The following EHBP1 variants were observed in gnomAD, a reference collection of about 807,000 sequenced individuals.
EHBP1 encodes EH domain-binding protein 1.
In EHBP1, 55 loss-of-function variants were observed where a neutral mutation model predicts 144.0. The observed-to-expected ratio is 0.38, with a 90% confidence interval of 0.31 to 0.48. The LOEUF is 0.48. EHBP1 is among the 20% of genes least tolerant of loss of function. EHBP1 has a pLI of 0.98. For missense variants in EHBP1, 1,200 were observed against 1,364.2 expected (o/e 0.88, Z 1.90); for synonymous variants, 469 against 472.7 (o/e 0.99, Z 0.10).
intron 10 of EHBP1, among the ~76,000 whole-genome samples, chr2:62,921,220 C>T (rs1364895860): frequency 5.3e-5 from 8 of 151,806 alleles, no homozygotes; most frequent in Non-Finnish European, 8.8e-5. Flanking sequence ...CTGAGGCGGG[C>T]GGATCACTTG....
At chr2:62,851,209 T>C (rs1434522042) in intron 7 of EHBP1, among the ~76,000 whole-genome samples, 2 of 152,196 alleles carry the variant, frequency 1.3e-5, no homozygotes, top group South Asian at 4.1e-4. Context: ...TGAAATATGC[T>C]AGATTCCCAT....
At chr2:62,829,468 T>A (rs1228049314) in intron 6 of EHBP1, among the ~76,000 whole-genome samples, 4 of 151,886 alleles carry the variant, frequency 2.6e-5, no homozygotes, top group Non-Finnish European at 5.9e-5. Flanking sequence ...GTTTGGTTTT[T>A]CATTCCTGAG....
intron 7 of EHBP1, among the ~76,000 whole-genome samples, chr2:62,838,292 C>T (rs1008243314): frequency 4.6e-5 from 7 of 152,192 alleles, no homozygotes; most frequent in South Asian, 2.1e-4. Context: ...TTGAAACTAA[C>T]GAGAACAAAG....
In EHBP1 at chr2:62,749,556, G is replaced by A. The variant is rs576468287; in HGVS notation, c.162+2104G>A. ...TCTAGTTCTAGATCCTTGAGGAATC[G>A]CCACACTGACTTCCACAATGGTTGA... is the stretch of plus-strand genomic sequence containing the variant. On this transcript the variant is annotated intron_variant, in intron 3 of 22. Transcript: ENST00000431489. 5.6e-3 allele frequency among the ~76,000 whole-genome samples: 855 copies of A among 152,252 alleles called. 6 individuals carry two copies. The highest frequency in any genetic ancestry group is 9.7e-3 in the Non-Finnish European group (663 of 68,016).
intron 5 of EHBP1, among the ~76,000 whole-genome samples, chr2:62,790,578 CACTT>C (rs1371312465): frequency 6.6e-6 from 1 of 152,138 alleles, no homozygotes; most frequent in African/African-American, 2.4e-5. Context: ...CTCCTATAAA[CACTT>C]GTTGTGTTGT....
chr2:62,744,671 A>C (rs553271293), intron 2 of EHBP1, among the ~76,000 whole-genome samples: 1 of 152,262 alleles, frequency 6.6e-6, no homozygotes, highest in Non-Finnish European at 1.5e-5. Flanking sequence ...TTCTTGGAAC[A>C]TCAGGCATAT....
At chr2:62,810,168 T>C (rs562375974) in intron 5 of EHBP1, among the ~76,000 whole-genome samples, 2 of 152,372 alleles carry the variant, frequency 1.3e-5, no homozygotes, top group Admixed American at 1.3e-4. Context: ...TGGTAAAGTT[T>C]TAAGGGATTC....
intron 9 of EHBP1, among the ~76,000 whole-genome samples, chr2:62,865,339 A>G (rs2049955397): frequency 6.6e-6 from 1 of 152,212 alleles, no homozygotes; most frequent in South Asian, 2.1e-4. Flanking sequence ...GGGGAGGAGA[A>G]CAAAATAATC....
At position 62,955,497 on chromosome 2, in the gene EHBP1, TCTGTA is replaced by T; in HGVS notation, c.2317-19_2317-15del. 1.9e-6 allele frequency: 3 copies of T among 1,599,008 alleles called. No homozygotes were observed. Among genetic ancestry groups the T allele is most frequent in the Admixed American group, 1.7e-5 (1 of 57,258 alleles). On this transcript the variant is annotated splice_polypyrimidine_tract_variant and intron_variant, in intron 13 of 22. Coordinates refer to ENST00000431489, the MANE Select transcript of EHBP1 (RefSeq NM_001142616.3). ...ACCCGTTTTTTTTTTGGCTTCTAAT[TCTGTA>T]TCTTTGCTTTTAAGCATCGATTGTT...
At chr2:62,968,155 G>A (rs1400090914) in intron 14 of EHBP1, among the ~76,000 whole-genome samples, 1 of 152,034 alleles carries the variant, frequency 6.6e-6, no homozygotes, top group Non-Finnish European at 1.5e-5. Context: ...CTTATTCTGA[G>A]TACAATCCAA....
chr2:62,980,419 A>G (rs960854914), intron 15 of EHBP1, among the ~76,000 whole-genome samples: 1 of 152,184 alleles, frequency 6.6e-6, no homozygotes, highest in African/African-American at 2.4e-5. Context: ...GCCACAGACT[A>G]GTACTGGTCC....
chr2:62,906,152 C>CTT (rs769180078), intron 10 of EHBP1, among the ~76,000 whole-genome samples: 16 of 135,082 alleles, frequency 1.2e-4, no homozygotes, highest in African/African-American at 3.2e-4. Context: ...GTTATTTTGT[C>CTT]TTTTTTTTTT....
At chr2:62,862,299 G>A (rs6545973) in intron 8 of EHBP1, among the ~76,000 whole-genome samples, 105,879 of 152,092 alleles carry the variant, frequency 0.7, 37,781 homozygotes, top group African/African-American at 0.86. Context: ...CAGTATACGT[G>A]GTTTGACTTT....
rs1307103745 is a variant in EHBP1, at chr2:62,874,490, A to G, written c.1143A>G (p.Glu381=). 1 of 1,608,118 alleles carries G rather than the reference A, an allele frequency of 6.2e-7. No homozygotes were observed. Among genetic ancestry groups the G allele is most frequent in the Middle Eastern group, 1.7e-4 (1 of 6,044 alleles). Residue 381 remains glutamate (E), a synonymous_variant, in exon 10 of 23, where the codon GAA becomes GAG. Transcript: ENST00000431489. ...CACCAAAAACAGGAGTATTAAATGAAAACACAGTTTCTGCAGGAAAAGATC... is the reference window on the plus strand; with the variant it reads ...CACCAAAAACAGGAGTATTAAATGAGAACACAGTTTCTGCAGGAAAAGATC... ...VLSPKTGVLN[E]NTVSAGKDLS...
At chr2:62,993,247 A>G (rs746855743) in intron 16 of EHBP1, among the ~76,000 whole-genome samples, 35 of 152,126 alleles carry the variant, frequency 2.3e-4, no homozygotes, top group Non-Finnish European at 4.6e-4. Context: ...GATGACACAG[A>G]ATAGTGGGGG....
chr2:63,017,819 A>G (rs994006728), intron 19 of EHBP1, among the ~76,000 whole-genome samples: 2 of 152,246 alleles, frequency 1.3e-5, no homozygotes, highest in Non-Finnish European at 2.9e-5. Flanking sequence ...GGAATAATCA[A>G]TAATGAACAG....
At chr2:62,861,717 G>T (rs1048848936) in intron 8 of EHBP1, among the ~76,000 whole-genome samples, 1 of 151,504 alleles carries the variant, frequency 6.6e-6, no homozygotes, top group Non-Finnish European at 1.5e-5. Flanking sequence ...ACCCCAGCCT[G>T]GGCGACAGAG....
chr2:62,847,306 T>G (rs1056935762), intron 7 of EHBP1, among the ~76,000 whole-genome samples: 1 of 152,194 alleles, frequency 6.6e-6, no homozygotes, highest in African/African-American at 2.4e-5. Flanking sequence ...ATTAATTCAG[T>G]GTGTTCATTA....
At chr2:62,738,691 C>T (rs1469605575) in intron 2 of EHBP1, among the ~76,000 whole-genome samples, 2 of 152,096 alleles carry the variant, frequency 1.3e-5, no homozygotes, top group African/African-American at 4.8e-5. Context: ...TTTAAAATAA[C>T]CGTTATTTTA....
Sources: gnomAD v4.1 joint callset for allele counts (sites outside exome capture counted in the v4.1 genomes callset) on GRCh38, gnomAD v4.1.1 for gene constraint, MANE v1.5 for transcripts, NCBI Gene and HGNC (gene_info 2026-07-23, HGNC 2026-07-21) for gene names.